MAOB: variants seen among roughly 807,000 people sequenced by gnomAD.
MAOB encodes amine oxidase [flavin-containing] B.
A neutral mutation model predicts 41.9 loss-of-function variants in MAOB; 15 were observed. The observed-to-expected ratio is 0.36, with a 90% CI of 0.24 to 0.55. The LOEUF is 0.55. MAOB is among the 20% of genes least tolerant of loss of function. MAOB has a pLI of 0.86. For missense variants in MAOB, 345 were observed against 398.7 expected (o/e 0.87, Z 1.15); for synonymous variants, 167 against 144.2 (o/e 1.16, Z -1.13).
chrX:43,881,645 G>T (rs954833367), intron 1 of MAOB, among the ~76,000 whole-genome samples: 1 of 111,996 alleles, frequency 8.9e-6, no homozygotes, highest in African/African-American at 3.2e-5. Flanking sequence ...GCCACCCTGC[G>T]CTAGGAGTGG....
At chrX:43,845,535 A>G (rs1179233976) in intron 1 of MAOB, among the ~76,000 whole-genome samples, 7 of 112,062 alleles carry the variant, frequency 6.2e-5, no homozygotes, top group Admixed American at 3.8e-4. Context: ...CAAAGAGATG[A>G]CCAAGGTCGC....
intron 3 of MAOB, among the ~76,000 whole-genome samples, chrX:43,810,345 A>T (rs983226505): frequency 1.8e-5 from 2 of 109,826 alleles, no homozygotes; most frequent in Non-Finnish European, 3.8e-5. Flanking sequence ...TGTGAACAAG[A>T]TCCGCAAAAT....
intron 2 of MAOB, among the ~76,000 whole-genome samples, chrX:43,840,585 G>A (rs2035123249): frequency 9.0e-6 from 1 of 111,289 alleles, no homozygotes; most frequent in Non-Finnish European, 1.9e-5. Context: ...TCCAACTGAG[G>A]TACCCAGTTC....
In MAOB at chrX:43,767,387, A is replaced by G; in HGVS notation, c.*79T>C. 9.9e-7 allele frequency: 1 copy of G among 1,014,175 alleles called. No homozygotes were observed. Among genetic ancestry groups the G allele is most frequent in the Non-Finnish European group, 1.3e-6 (1 of 743,811 alleles). 83.6% of individuals were successfully genotyped at this position (1,014,175 alleles called of 1,213,427 possible). On this transcript the variant is annotated 3_prime_UTR_variant, in exon 15 of 15. Coordinates refer to ENST00000378069, the MANE Select transcript of MAOB (RefSeq NM_000898.5). ...CACTCCACACTATTTGTCTTCATGG[A>G]ACTTTACTGCAACTCTTTCCCCAAA... is the stretch of plus-strand genomic sequence containing the variant.
intron 11 of MAOB, among the ~76,000 whole-genome samples, chrX:43,777,487 T>C (rs765992548): frequency 1.3e-4 from 15 of 111,553 alleles, no homozygotes; most frequent in Non-Finnish European, 2.4e-4. Context: ...AGAGCATGTG[T>C]TTCACCTGTA....
intron 14 of MAOB, among the ~76,000 whole-genome samples, 159 bp downstream of exon 14, chrX:43,768,495 C>G (rs980075772): frequency 1.8e-5 from 2 of 111,959 alleles, no homozygotes; most frequent in Non-Finnish European, 3.8e-5. Flanking sequence ...AATCTCTCAC[C>G]TCTACCCTAA....
intron 1 of MAOB, among the ~76,000 whole-genome samples, chrX:43,850,797 T>C (rs1176862587): frequency 4.5e-5 from 5 of 112,118 alleles, no homozygotes; most frequent in Non-Finnish European, 9.4e-5. Flanking sequence ...TGATTTATGC[T>C]CTTGAAAAAG....
intron 3 of MAOB, among the ~76,000 whole-genome samples, chrX:43,824,049 G>A (rs1218997211): frequency 1.8e-5 from 2 of 112,333 alleles, no homozygotes; most frequent in Admixed American, 9.4e-5. Context: ...TCTAAGTGTA[G>A]TTTCGAAGTG....
At chrX:43,803,158 C>G (rs1411563760) in intron 4 of MAOB, 142 bp downstream of exon 4, 7 of 474,251 alleles carry the variant, frequency 1.5e-5, no homozygotes, top group African/African-American at 2.6e-5. Context: ...AGGTTAGAAA[C>G]AAGTTCATTC....
chrX:43,818,822 G>C (rs1490705464), intron 3 of MAOB, among the ~76,000 whole-genome samples: 1 of 112,183 alleles, frequency 8.9e-6, no homozygotes, highest in Non-Finnish European at 1.9e-5. Flanking sequence ...CATAGTTCCA[G>C]GCTCCAGAAG....
chrX:43,857,110 TATATATAGAGAGAGAGAGAGAGAGAG>T (rs1484611097), intron 1 of MAOB, among the ~76,000 whole-genome samples: 574 of 19,747 alleles, frequency 0.029, 6 homozygotes, highest in Middle Eastern at 0.071. Flanking sequence ...TATATATATA[TATATATAGAGAGAGAGAGAGAGAGAG>T]AGAGAGAGAG....
chrX:43,878,024 G>T (rs2035451075), intron 1 of MAOB, among the ~76,000 whole-genome samples: 1 of 112,232 alleles, frequency 8.9e-6, no homozygotes, highest in South Asian at 3.7e-4. Flanking sequence ...GGTAGAGTAA[G>T]GCACCTATAA....
chrX:43,767,585 A>T lies in MAOB; in HGVS notation c.1444T>A (p.Leu482Met), dbSNP rs149656736. The change falls in exon 15 of 15, where the codon TTG becomes ATG. Residue 482 changes from leucine to methionine, a missense_variant. Coordinates refer to ENST00000378069, the MANE Select transcript of MAOB (RefSeq NM_000898.5). ...VPAQPITTTF[L>M]ERHLPSVPGL... ...GGCACGGAGGGCAAATGTCTCTCCA[A>T]AAAGGTGGTGGTGATGGGCTGTGCA... 1.9e-4 allele frequency: 230 copies of T among 1,209,196 alleles called. No homozygotes were observed. In the African/African-American group the frequency reaches 3.7e-3, roughly 19 times the overall value.
intron 3 of MAOB, among the ~76,000 whole-genome samples, chrX:43,821,389 G>C (rs2034878507): frequency 8.9e-6 from 1 of 111,902 alleles, no homozygotes; most frequent in Non-Finnish European, 1.9e-5. Context: ...GAGCAGATCA[G>C]CTAATCCAAA....
chrX:43,788,754 T>C (rs750503029), intron 8 of MAOB, among the ~76,000 whole-genome samples: 3 of 111,652 alleles, frequency 2.7e-5, no homozygotes, highest in African/African-American at 9.7e-5. Flanking sequence ...ATGATGTATG[T>C]TTTTTAAAAA....
At chrX:43,784,961 A>AACATGGTG (rs1276707287) in intron 8 of MAOB, among the ~76,000 whole-genome samples, 3 of 112,257 alleles carry the variant, frequency 2.7e-5, no homozygotes, top group Non-Finnish European at 5.6e-5. Flanking sequence ...CAGCCTGGCC[A>AACATGGTG]ACATGGTGAA....
At chrX:43,833,773 G>A (rs1463501296) in intron 3 of MAOB, among the ~76,000 whole-genome samples, 2 of 111,866 alleles carry the variant, frequency 1.8e-5, no homozygotes, top group African/African-American at 6.5e-5. Flanking sequence ...TAGAAAATAT[G>A]TTTACTGATT....
rs376021873 is a variant in MAOB, at chrX:43,821,523, A to G, written c.279+17345T>C. ...GCTTTTGATGCCTCTGAAATGTATA[A>G]AGTAATGAGAAGATGGAAAAGTTCT... On this transcript the variant is annotated intron_variant, in intron 3 of 14. Transcript: ENST00000378069. 5.3e-3 allele frequency among the ~76,000 whole-genome samples: 595 copies of G among 111,551 alleles called. 4 individuals are homozygous for G. The highest frequency in any genetic ancestry group is 0.018 in the African/African-American group (542 of 30,685).
chrX:43,854,312 A>G (rs780479811), intron 1 of MAOB, among the ~76,000 whole-genome samples: 12 of 112,251 alleles, frequency 1.1e-4, no homozygotes, highest in Non-Finnish European at 2.1e-4. Flanking sequence ...GCACATATAC[A>G]CCATGGAATA....
Sources: allele counts gnomAD v4.1 joint callset (sites outside exome capture counted in the v4.1 genomes callset), GRCh38; gene constraint gnomAD v4.1.1; transcripts MANE v1.5; gene names NCBI Gene and HGNC (gene_info 2026-07-23, HGNC 2026-07-21).